Variants in SLC35F5 observed in about 807,000 individuals in gnomAD.
SLC35F5 encodes the protein HCV NS5A-transactivated protein 3.
Under a neutral mutation model 68.6 loss-of-function variants are expected in SLC35F5, and 54 were observed. The ratio of observed to expected loss-of-function variants is 0.79; its 90% confidence interval spans 0.63 to 0.99. SLC35F5 has a LOEUF of 0.99. SLC35F5 is among the 50% of genes least tolerant of loss of function. The pLI is 0.00. For synonymous variants in SLC35F5, 211 were observed against 205.2 expected (o/e 1.03, Z -0.24); for missense variants, 567 against 626.9 (o/e 0.90, Z 1.02).
At position 113,755,191 on chromosome 2, in the gene SLC35F5, A is replaced by G. The variant is rs1676919534; in HGVS notation, c.247T>C (p.Trp83Arg). 2 of 1,614,130 alleles carry G rather than the reference A, an allele frequency of 1.2e-6. No homozygotes were observed. Among genetic ancestry groups the G allele is most frequent in the Non-Finnish European group, 1.7e-6 (2 of 1,180,022 alleles). Reference sequence around the variant, plus strand: ...GAAGTAAGTTCAGAGGAAGCAACCCATATCACATCAACAAGCAGAAGAATA... The same window carrying G: ...GAAGTAAGTTCAGAGGAAGCAACCCGTATCACATCAACAAGCAGAAGAATA... ...IVILLLVDVI[W>R]VASSELTSYV... The change falls in exon 3 of 16, where the codon TGG (tryptophan) becomes CGG (arginine). Residue 83 changes from tryptophan to arginine, a missense_variant. Physicochemically the swap from Trp to Arg is moderately radical, Grantham distance 101. Transcript: ENST00000245680.
chr2:113,730,964 T>C (rs1359243735), intron 10 of SLC35F5, among the ~76,000 whole-genome samples: 1 of 152,194 alleles, frequency 6.6e-6, no homozygotes, highest in African/African-American at 2.4e-5. Flanking sequence ...GGGTGGTTAA[T>C]TTTAACCACC....
chr2:113,720,163 G>T (rs1204318861), intron 13 of SLC35F5, among the ~76,000 whole-genome samples: 1 of 151,456 alleles, frequency 6.6e-6, no homozygotes, highest in Admixed American at 6.6e-5. Flanking sequence ...TTACCATCTA[G>T]ACTCAGCTAA....
intron 13 of SLC35F5, 35 bp from the exon 14 acceptor site, chr2:113,719,343 C>T (rs776938630): frequency 1.3e-6 from 2 of 1,514,800 alleles, no homozygotes; most frequent in South Asian, 2.6e-5. Context: ...AACACACCCA[C>T]AATTATCATT....
At chr2:113,724,599 C>A (rs1687586798) in intron 12 of SLC35F5, among the ~76,000 whole-genome samples, 1 of 152,000 alleles carries the variant, frequency 6.6e-6, no homozygotes, top group Non-Finnish European at 1.5e-5. Flanking sequence ...GAAGACTCCA[C>A]AAAAAAGTCT....
At chr2:113,725,236 T>C in intron 12 of SLC35F5, 142 bp downstream of exon 12, 1 of 688,550 alleles carries the variant, frequency 1.5e-6, no homozygotes. Flanking sequence ...GTCCCTGCTC[T>C]AGTGGAGTTA....
chr2:113,747,911 G>T (rs1381122657), intron 4 of SLC35F5, among the ~76,000 whole-genome samples: 2 of 152,176 alleles, frequency 1.3e-5, no homozygotes. Flanking sequence ...GACCAACATG[G>T]TGAAACCCCG....
At chr2:113,748,121 C>T (rs1031402591) in intron 4 of SLC35F5, among the ~76,000 whole-genome samples, 3 of 152,070 alleles carry the variant, frequency 2.0e-5, no homozygotes, top group African/African-American at 7.2e-5. Flanking sequence ...GAATGAAGTA[C>T]AGAAACACTA....
intron 4 of SLC35F5, among the ~76,000 whole-genome samples, chr2:113,749,750 G>A (rs886628796): frequency 3.9e-5 from 6 of 152,010 alleles, no homozygotes; most frequent in Non-Finnish European, 8.8e-5. Context: ...TGCGCTTAAT[G>A]CCACTACTAT....
chr2:113,750,687 G>A (rs374951316), intron 3 of SLC35F5, 119 bp from the exon 4 acceptor site: 1 of 880,882 alleles, frequency 1.1e-6, no homozygotes, highest in Non-Finnish European at 1.6e-6. Context: ...GAAAGAAAAA[G>A]TCAAAGCGAT....
Position 113,756,632 on chromosome 2 carries a change from C to T in SLC35F5, c.-223G>A, listed in dbSNP as rs1468906799. 10 of 1,252,014 alleles carry T rather than the reference C, an allele frequency of 8.0e-6. No homozygotes were observed. The African/African-American group carries it at 1.4e-4, about 18-fold the overall frequency. 77.6% of individuals were successfully genotyped at this position (1,252,014 alleles called of 1,614,324 possible). Reference sequence around the variant, plus strand: ...GCACAGTCAGCTATGGCCGCGGAGGCCCGGAGATCTGCTCTGGCCCCGGCC... The same window carrying T: ...GCACAGTCAGCTATGGCCGCGGAGGTCCGGAGATCTGCTCTGGCCCCGGCC... On this transcript the variant is annotated 5_prime_UTR_variant, in exon 1 of 16. Coordinates refer to ENST00000245680, the MANE Select transcript of SLC35F5 (RefSeq NM_025181.5).
chr2:113,719,298 GA>G lies in SLC35F5; in HGVS notation c.1351del (p.Ser451LeufsTer18), dbSNP rs781500464. 108 of 1,532,076 alleles carry G rather than the reference GA, an allele frequency of 7.0e-5. No homozygotes were observed. Among genetic ancestry groups the G allele is most frequent in the Non-Finnish European group, 9.0e-5 (104 of 1,153,426 alleles). The allele number at this position is 1,532,076 out of a possible 1,614,324, so 94.9% of individuals were successfully genotyped here. ...ADMCMQKVQF[S>X]WLFFAGAIPV... ...GATAGCTCCTGCAAAAAATAACCAA[GA>G]AAACTGCACCTAAAAATAAAAGATA... On this transcript the variant is annotated frameshift_variant, in exon 14 of 16. Coordinates refer to ENST00000245680, the MANE Select transcript of SLC35F5 (RefSeq NM_025181.5). LOFTEE classifies it high-confidence loss of function.
chr2:113,746,985 C>G (rs1410354844), intron 4 of SLC35F5, among the ~76,000 whole-genome samples: 1 of 150,390 alleles, frequency 6.6e-6, no homozygotes, highest in African/African-American at 2.4e-5. Context: ...TTAATTTTGA[C>G]CTCAAAAACC....
At chr2:113,729,623 T>C (rs1687806578) in intron 10 of SLC35F5, 118 bp from the exon 11 acceptor site, 1 of 639,928 alleles carries the variant, frequency 1.6e-6, no homozygotes, top group Non-Finnish European at 2.7e-6. Context: ...AGATATATAA[T>C]GATATAAATC....
rs1158282003 is a variant in SLC35F5 at position 113,731,572 on chromosome 2, T to G, written c.985+12A>C. 3 of 1,607,636 alleles carry G rather than the reference T, an allele frequency of 1.9e-6. No individual in the cohort carries two copies. In the African/African-American group the frequency reaches 4.0e-5, roughly 22 times the overall value. ...TTACTCTAACAGAGAGAATCCAGAG[T>G]CCAGTACTTACCTACTGTGTCTCTT... On this transcript the variant is annotated intron_variant, in intron 10 of 15. Transcript: ENST00000245680.
chr2:113,748,239 C>T (rs1430415171), intron 4 of SLC35F5, among the ~76,000 whole-genome samples: 1 of 152,150 alleles, frequency 6.6e-6, no homozygotes, highest in Admixed American at 6.5e-5. Context: ...AGTCTCTGCT[C>T]ACTGTAACCT....
chr2:113,704,252 A>G (rs1042073455), downstream of SLC35F5, among the ~76,000 whole-genome samples: 2 of 152,160 alleles, frequency 1.3e-5, no homozygotes, highest in African/African-American at 2.4e-5. Context: ...TTTTACAGAG[A>G]GCGAGTGGTC....
rs758333293 is a variant in SLC35F5, at chr2:113,742,790, T to G, written c.652A>C (p.Met218Leu). 1.9e-6 allele frequency: 3 copies of G among 1,614,160 alleles called. No individual in the cohort carries two copies. Among genetic ancestry groups the G allele is most frequent in the Non-Finnish European group, 2.5e-6 (3 of 1,180,010 alleles). Residue 218 changes from methionine (M) to leucine (L), a missense_variant, in exon 7 of 16, where the codon ATG becomes CTG. By Grantham distance (15) the Met-to-Leu change is conservative (BLOSUM62 2). Transcript: ENST00000245680. ...SHALEAKLSRMSYPVKEQESI... is the reference protein window; with the variant it reads ...SHALEAKLSRLSYPVKEQESI... ...TCTTGTTCTTTCACAGGATATGACATGCGAGACAACTTTGCTTCCAATGCA... is the reference window on the plus strand; with the variant it reads ...TCTTGTTCTTTCACAGGATATGACAGGCGAGACAACTTTGCTTCCAATGCA...
rs1217393087 is a variant in SLC35F5 at position 113,713,285 on chromosome 2, G to C, written c.*1933C>G. ...AGAAGATTGGCTGAAGATCTATCCAGCCTGTTAACTACGGCTTAGTACTTC... is the reference window on the plus strand; with the variant it reads ...AGAAGATTGGCTGAAGATCTATCCACCCTGTTAACTACGGCTTAGTACTTC... On this transcript the variant is annotated 3_prime_UTR_variant, in exon 16 of 16. Coordinates refer to ENST00000245680, the MANE Select transcript of SLC35F5 (RefSeq NM_025181.5). 1 of 152,186 alleles carries C rather than the reference G, an allele frequency of 6.6e-6. No individual in the cohort carries two copies. Among genetic ancestry groups the C allele is most frequent in the African/African-American group, 2.4e-5 (1 of 41,432 alleles). The allele number at this position is 152,186 out of a possible 1,614,324, so 9.4% of individuals were successfully genotyped here.
intron 5 of SLC35F5, among the ~76,000 whole-genome samples, chr2:113,745,268 G>GA (rs1252211382): frequency 3.3e-5 from 5 of 151,140 alleles, no homozygotes; most frequent in Non-Finnish European, 5.9e-5. Context: ...AAGATCCCAG[G>GA]AAAAAAAAAT....
Sources: gnomAD v4.1 joint callset for allele counts (sites outside exome capture counted in the v4.1 genomes callset) on GRCh38, gnomAD v4.1.1 for gene constraint, MANE v1.5 for transcripts, NCBI Gene and HGNC (gene_info 2026-07-23, HGNC 2026-07-21) for gene names.